C1QTNF7: variants seen among roughly 807,000 people sequenced by gnomAD.
C1QTNF7 encodes C1q and TNF related 7, also known as complement C1q tumor necrosis factor-related protein 7.
A neutral mutation model predicts 19.6 loss-of-function variants in C1QTNF7; 15 were observed. That is an observed-to-expected ratio of 0.76 (90% CI 0.51 to 1.18). The LOEUF is 1.18. Among genes scored for constraint, C1QTNF7 ranks in the 50% most tolerant of loss-of-function variants. C1QTNF7 has a pLI of 0.00. For synonymous variants in C1QTNF7, 142 were observed against 137.5 expected (o/e 1.03, Z -0.23); for missense variants, 324 against 359.7 (o/e 0.90, Z 0.80).
At chr4:15,410,733 T>C (rs960985044) in intron 1 of C1QTNF7, among the ~76,000 whole-genome samples, 9 of 152,232 alleles carry the variant, frequency 5.9e-5, no homozygotes, top group Admixed American at 5.9e-4. Context: ...TTAAACTAAC[T>C]AGGTGAACTT....
At chr4:15,440,862 G>A (rs1712731829) in intron 2 of C1QTNF7, among the ~76,000 whole-genome samples, 2 of 152,144 alleles carry the variant, frequency 1.3e-5, no homozygotes, top group Non-Finnish European at 2.9e-5. Context: ...CTGCTGGCCG[G>A]GCATGGCGGC....
At chr4:15,430,723 CAGTGGGGG>C (rs1436596392) in intron 1 of C1QTNF7, among the ~76,000 whole-genome samples, 9 of 152,078 alleles carry the variant, frequency 5.9e-5, no homozygotes, top group Admixed American at 5.9e-4. Flanking sequence ...CACTGCAAGG[CAGTGGGGG>C]AGTGGGTAAA....
intron 1 of C1QTNF7, among the ~76,000 whole-genome samples, chr4:15,415,694 C>T (rs1719581308): frequency 1.3e-5 from 2 of 151,522 alleles, no homozygotes; most frequent in Admixed American, 6.6e-5. Flanking sequence ...TGAGCTCAAG[C>T]GATCCTCCCA....
At chr4:15,416,440 A>T (rs528638805) in intron 1 of C1QTNF7, among the ~76,000 whole-genome samples, 1 of 152,228 alleles carries the variant, frequency 6.6e-6, no homozygotes, top group African/African-American at 2.4e-5. Flanking sequence ...TTCCTCCACT[A>T]CAAAGTGCAG....
At chr4:15,406,027 C>T (rs1401399287) in intron 1 of C1QTNF7, among the ~76,000 whole-genome samples, 1 of 152,172 alleles carries the variant, frequency 6.6e-6, no homozygotes, top group Non-Finnish European at 1.5e-5. Flanking sequence ...CACCTCTGAC[C>T]CACTCCTTAA....
chr4:15,367,657 A>G (rs1717575032), intron 1 of C1QTNF7, among the ~76,000 whole-genome samples: 1 of 152,068 alleles, frequency 6.6e-6, no homozygotes, highest in South Asian at 2.1e-4. Flanking sequence ...GCTTCACCAC[A>G]TGGCCCTTAT....
upstream of C1QTNF7, among the ~76,000 whole-genome samples, chr4:15,426,210 G>A (rs915609657): frequency 6.6e-6 from 1 of 152,286 alleles, no homozygotes; most frequent in African/African-American, 2.4e-5. Flanking sequence ...ATAAGACCCC[G>A]TCCTTGGGGT....
chr4:15,401,241 G>C (rs919931001), intron 1 of C1QTNF7, among the ~76,000 whole-genome samples: 4 of 152,144 alleles, frequency 2.6e-5, no homozygotes, highest in Non-Finnish European at 4.4e-5. Context: ...ACCATGTCTG[G>C]GGTGGAAAGG....
chr4:15,368,154 A>G (rs1200675198), intron 1 of C1QTNF7, among the ~76,000 whole-genome samples: 1 of 152,182 alleles, frequency 6.6e-6, no homozygotes, highest in Non-Finnish European at 1.5e-5. Flanking sequence ...TACAAGTAGT[A>G]TCTCGCAGTA....
rs2109298057 is a variant in C1QTNF7, at chr4:15,360,316, T to C, written c.13+20109T>C. Among the ~76,000 whole-genome samples the C allele has an allele frequency of 2.0e-5, 3 of 152,294 alleles. No homozygotes were observed. The South Asian group carries it at 6.2e-4, about 32-fold the overall frequency. On this transcript the variant is annotated intron_variant, in intron 1 of 2. Coordinates refer to the C1QTNF7 transcript ENST00000295297. ...AGTCATAGTGAATTTGAACCATTGCTCCTAGGGAAATAAAGAGTTAGGTTC... is the reference window on the plus strand; with the variant it reads ...AGTCATAGTGAATTTGAACCATTGCCCCTAGGGAAATAAAGAGTTAGGTTC...
At chr4:15,364,859 G>A (rs1412180024) in intron 1 of C1QTNF7, among the ~76,000 whole-genome samples, 1 of 152,116 alleles carries the variant, frequency 6.6e-6, no homozygotes, top group Non-Finnish European at 1.5e-5. Context: ...AAATACGTTG[G>A]GTTTGAGGTA....
chr4:15,386,753 G>A (rs13102822), intron 1 of C1QTNF7, among the ~76,000 whole-genome samples: 33,168 of 152,118 alleles, frequency 0.22, 4,342 homozygotes, highest in East Asian at 0.29. Flanking sequence ...AGAACAGTGT[G>A]TGAAAATGTC....
At chr4:15,353,372 A>G (rs566054015) in intron 1 of C1QTNF7, among the ~76,000 whole-genome samples, 1 of 152,302 alleles carries the variant, frequency 6.6e-6, no homozygotes, top group East Asian at 1.9e-4. Flanking sequence ...TTGCCAACAT[A>G]CCCATAAAAG....
Position 15,445,101 on chromosome 4 carries a change from C to T in C1QTNF7, c.*2302C>T, listed in dbSNP as rs1178402113. Reference sequence around the variant, plus strand: ...TGCTTTCATTGTCTTCATCTTCCTGCCATACTTTGTGCACTTATTGCTCTC... The same window carrying T: ...TGCTTTCATTGTCTTCATCTTCCTGTCATACTTTGTGCACTTATTGCTCTC... On this transcript the variant is annotated 3_prime_UTR_variant, in exon 3 of 3. Transcript: ENST00000444304. 3 of 152,248 alleles carry T rather than the reference C, an allele frequency of 2.0e-5. No homozygotes were observed. Among genetic ancestry groups the T allele is most frequent in the Non-Finnish European group, 4.4e-5 (3 of 68,082 alleles). The allele number at this position is 152,248 out of a possible 1,614,324, so 9.4% of individuals were successfully genotyped here.
At chr4:15,413,117 A>G (rs147184303) in intron 1 of C1QTNF7, among the ~76,000 whole-genome samples, 17 of 152,380 alleles carry the variant, frequency 1.1e-4, no homozygotes, top group Non-Finnish European at 2.2e-4. Flanking sequence ...AATTTGATCA[A>G]AATGAACAGC....
chr4:15,387,969 G>A (rs1222570599), intron 1 of C1QTNF7, among the ~76,000 whole-genome samples: 1 of 152,160 alleles, frequency 6.6e-6, no homozygotes, highest in Admixed American at 6.5e-5. Context: ...AGAGAAGATG[G>A]TATCCAGGGC....
upstream of C1QTNF7, among the ~76,000 whole-genome samples, chr4:15,423,042 T>C (rs567976064): frequency 6.6e-6 from 1 of 152,368 alleles, no homozygotes; most frequent in South Asian, 2.1e-4. Flanking sequence ...GATATTTATG[T>C]AGATTAAAAC....
In C1QTNF7 at chr4:15,443,584, T is replaced by G. The variant is rs1404842872; in HGVS notation, c.*785T>G. 6.6e-6 allele frequency: 1 copy of G among 152,212 alleles called. No homozygotes were observed. The highest frequency in any genetic ancestry group is 1.5e-5 in the Non-Finnish European group (1 of 68,038). 9.4% of individuals were successfully genotyped at this position (152,212 alleles called of 1,614,324 possible). On this transcript the variant is annotated 3_prime_UTR_variant, in exon 3 of 3. Coordinates refer to ENST00000444304, the MANE Select transcript of C1QTNF7 (RefSeq NM_031911.5). ...GGTGTATGTGTTTAAGGGGGTGTGATGGATGCAAAGGGAATGAGGAATTCA... is the reference window on the plus strand; with the variant it reads ...GGTGTATGTGTTTAAGGGGGTGTGAGGGATGCAAAGGGAATGAGGAATTCA...
At chr4:15,427,797 A>C (rs1712119725), upstream of C1QTNF7, 1 of 152,656 alleles carries the variant, frequency 6.6e-6, no homozygotes, top group South Asian at 2.1e-4. Flanking sequence ...AAGAGGCCAC[A>C]ACACACAGAG....
Sources: gnomAD v4.1 joint callset for allele counts (sites outside exome capture counted in the v4.1 genomes callset) on GRCh38, gnomAD v4.1.1 for gene constraint, MANE v1.5 for transcripts, NCBI Gene and HGNC (gene_info 2026-07-23, HGNC 2026-07-21) for gene names.